DOK7: variants seen among roughly 807,000 people sequenced by gnomAD.
DOK7 encodes docking protein 7, also known as protein Dok-7.
Under a neutral mutation model 30.7 loss-of-function variants are expected in DOK7, and 32 were observed. That is an observed-to-expected ratio of 1.04 (90% confidence interval 0.79 to 1.40). DOK7 has a LOEUF of 1.40. DOK7 is among the 40% of genes most tolerant of loss of function. DOK7 has a pLI of 0.00. For missense variants in DOK7, 1,007 were observed against 699.2 expected (o/e 1.44, Z -4.97); for synonymous variants, 447 against 324.1 (o/e 1.38, Z -4.07).
At chr4:3,497,486 A>G (rs954953479), downstream of DOK7, among the ~76,000 whole-genome samples, 1 of 152,122 alleles carries the variant, frequency 6.6e-6, no homozygotes, top group African/African-American at 2.4e-5. Context: ...CACTGGGGAC[A>G]GAGCCCTGCT....
At chr4:3,472,275 G>T (rs1437896677) in intron 2 of DOK7, among the ~76,000 whole-genome samples, 1 of 152,236 alleles carries the variant, frequency 6.6e-6, no homozygotes, top group East Asian at 1.9e-4. Flanking sequence ...TGGTTCTCAC[G>T]TGGCTTTGCA....
downstream of DOK7, chr4:3,496,855 A>G (rs1560239150): frequency 1.3e-6 from 2 of 1,530,640 alleles, no homozygotes; most frequent in Non-Finnish European, 1.7e-6. Context: ...CTGCGACAGC[A>G]CATTCAGGTA....
chr4:3,492,854 T>G lies in DOK7; in HGVS notation c.868T>G (p.Ser290Ala). The G allele has an allele frequency of 6.2e-7, 1 of 1,610,892 alleles. No homozygotes were observed. Residue 290 changes from serine (S) to alanine (A), a missense_variant, in exon 7 of 7, where the codon TCG (serine) becomes GCG (alanine). Transcript: ENST00000340083. ...CACCGCATGGCCAGAGCAATCCTCG[T>G]CGTCAGCCAGCACGTCACAGGAGGG... ...RLTAWPEQSS[S>A]SASTSQEGPR...
intron 4 of DOK7, 33 bp from the exon 5 acceptor site, chr4:3,485,506 C>A: frequency 6.6e-7 from 1 of 1,522,912 alleles, no homozygotes; most frequent in East Asian, 2.5e-5. Flanking sequence ...CGCCCTCGGG[C>A]CAGACTGACC....
exon 8 of DOK7, chr4:3,500,720 C>T (rs530653324): frequency 2.9e-5 from 45 of 1,534,572 alleles, no homozygotes; most frequent in African/African-American, 1.9e-4. Flanking sequence ...ACGCCCAGAT[C>T]GACATCATGG....
At chr4:3,489,555 A>G in intron 5 of DOK7, 122 bp from the exon 6 acceptor site, 1 of 1,468,996 alleles carries the variant, frequency 6.8e-7, no homozygotes, top group Non-Finnish European at 9.2e-7. Context: ...AGGAGCGGGG[A>G]CTCCCAGGGG....
chr4:3,499,272 G>A (rs945830137), downstream of DOK7, among the ~76,000 whole-genome samples: 2 of 152,194 alleles, frequency 1.3e-5, no homozygotes, highest in African/African-American at 4.8e-5. Context: ...AGGGCTCGGA[G>A]TGTGCTGGGG....
At chr4:3,476,965 C>T (rs1327736419) in intron 4 of DOK7, among the ~76,000 whole-genome samples, 2 of 152,256 alleles carry the variant, frequency 1.3e-5, no homozygotes, top group Non-Finnish European at 2.9e-5. Flanking sequence ...TGCCAGCCAC[C>T]CCGCCTGTGG....
At chr4:3,484,831 C>T in intron 4 of DOK7, 1 of 985,478 alleles carries the variant, frequency 1.0e-6, no homozygotes, top group Non-Finnish European at 1.2e-6. Flanking sequence ...ACGGCTGCAG[C>T]ATGTGTGGGC....
Position 3,493,766 on chromosome 4 carries a change from G to A in DOK7, c.*265G>A, listed in dbSNP as rs35748957. 181,812 of 1,394,336 alleles carry A rather than the reference G, an allele frequency of 0.13. 12,665 individuals are homozygous for A. The highest frequency in any genetic ancestry group is 0.2 in the African/African-American group (13,729 of 68,468). 86.4% of individuals were successfully genotyped at this position (1,394,336 alleles called of 1,614,324 possible). ...CCCCAATGCTCAGCTGCTTCACTCC[G>A]TGTCCCCCACCCCTGAGGATCAGGT... On this transcript the variant is annotated 3_prime_UTR_variant, in exon 7 of 7. Coordinates refer to ENST00000340083, the MANE Select transcript of DOK7 (RefSeq NM_173660.5).
At chr4:3,489,869 T>A (rs1728086836) in intron 6 of DOK7, 73 bp downstream of exon 6, 2 of 1,533,564 alleles carry the variant, frequency 1.3e-6, no homozygotes, top group Non-Finnish European at 1.8e-6. Flanking sequence ...GAGGCATCCA[T>A]GCATGTGTGG....
At chr4:3,480,177 A>G (rs1220600153) in intron 4 of DOK7, among the ~76,000 whole-genome samples, 1 of 152,108 alleles carries the variant, frequency 6.6e-6, no homozygotes, top group African/African-American at 2.4e-5. Context: ...GGTGAATGGA[A>G]GCTTTTGGAG....
At chr4:3,484,894 C>T in intron 4 of DOK7, 1 of 984,762 alleles carries the variant, frequency 1.0e-6, no homozygotes, top group Non-Finnish European at 1.2e-6. Context: ...TCCCAACAGC[C>T]CGGGGGAAGG....
At chr4:3,470,691 A>C (rs1481013787) in intron 2 of DOK7, among the ~76,000 whole-genome samples, 2 of 152,314 alleles carry the variant, frequency 1.3e-5, no homozygotes, top group South Asian at 2.1e-4. Context: ...TTTGTAAATA[A>C]AGTTTTATTG....
chr4:3,485,409 T>A (rs936561060), intron 4 of DOK7, 130 bp from the exon 5 acceptor site: 10 of 1,279,604 alleles, frequency 7.8e-6, no homozygotes, highest in Non-Finnish European at 1.0e-5. Context: ...GGCATCTGAC[T>A]TCGTGGGGCC....
At chr4:3,486,775 G>A (rs1019565208) in intron 5 of DOK7, among the ~76,000 whole-genome samples, 10 of 152,086 alleles carry the variant, frequency 6.6e-5, no homozygotes, top group South Asian at 4.1e-4. Flanking sequence ...GGCAGGTGTG[G>A]ATGGTGTGGT....
At chr4:3,494,861 G>A (rs574474551), downstream of DOK7, among the ~76,000 whole-genome samples, 1 of 152,306 alleles carries the variant, frequency 6.6e-6, no homozygotes, top group East Asian at 1.9e-4. Context: ...TCCCCTACAT[G>A]GGGCCGAGTT....
chr4:3,468,237 T>C (rs1726437211), intron 2 of DOK7, among the ~76,000 whole-genome samples: 1 of 151,396 alleles, frequency 6.6e-6, no homozygotes, highest in African/African-American at 2.4e-5. Context: ...TGTGTGGGGG[T>C]GTATGTGTGC....
chr4:3,486,425 C>T (rs1727793797), intron 5 of DOK7, among the ~76,000 whole-genome samples: 1 of 152,240 alleles, frequency 6.6e-6, no homozygotes, highest in South Asian at 2.1e-4. Context: ...GCAGCAAGCT[C>T]ACATGTGGCG....
Sources: allele counts gnomAD v4.1 joint callset (sites outside exome capture counted in the v4.1 genomes callset), GRCh38; gene constraint gnomAD v4.1.1; transcripts MANE v1.5; gene names NCBI Gene and HGNC (gene_info 2026-07-23, HGNC 2026-07-21).